SHC1: variants seen among roughly 807,000 people sequenced by gnomAD.
The protein encoded by SHC1 is SHC-transforming protein 1.
A neutral mutation model predicts 55.9 loss-of-function variants in SHC1; 30 were observed. That is an observed-to-expected ratio of 0.54 (90% confidence interval 0.40 to 0.73). The LOEUF (loss-of-function observed/expected upper bound fraction) is 0.73, where lower values mean the gene tolerates loss of function less well. SHC1 is among the 30% of genes least tolerant of loss of function. SHC1 has a pLI of 0.00. For synonymous variants in SHC1, 309 were observed against 306.1 expected, an observed-to-expected ratio of 1.01 and a Z score of -0.10; for missense variants, 675 against 777.1, an observed-to-expected ratio of 0.87 and a Z score of 1.56.
chr1:154,971,882 G>A (rs1244306973), upstream of SHC1, among the ~76,000 whole-genome samples: 1 of 151,988 alleles, frequency 6.6e-6, no homozygotes, highest in Non-Finnish European at 1.5e-5. Context: ...TGCCACCCAC[G>A]GCTTCCTGCC....
rs1339986462 is a variant in SHC1 at position 154,970,299 on chromosome 1, C to A, written c.228G>T (p.Gly76=). ...SNLRLANPAG[G]RPGSKGEPGR... ...CTGGCTCCCCCTTAGACCCTGGGCGCCCCCCAGCCGGGTTGGCCAGCCTCA... is the reference window on the plus strand; with the variant it reads ...CTGGCTCCCCCTTAGACCCTGGGCGACCCCCAGCCGGGTTGGCCAGCCTCA... Residue 76 remains glycine, a synonymous_variant, in exon 1 of 12, where the codon GGG becomes GGT. Coordinates refer to ENST00000448116, the MANE Select transcript of SHC1 (RefSeq NM_001130040.2). This position sits in a 1 kb window ranked among gnomAD's most constrained non-coding sequence, Gnocchi z 5.5. The A allele has an allele frequency of 1.2e-6, 2 of 1,603,440 alleles. No individual in the cohort carries two copies. The highest frequency in any genetic ancestry group is 2.2e-5 in the East Asian group (1 of 44,754).
At position 154,963,709 on chromosome 1, in the gene SHC1, A is replaced by T; in HGVS notation, c.*94T>A. 7.1e-7 allele frequency: 1 copy of T among 1,400,528 alleles called. No homozygotes were observed. The highest frequency in any genetic ancestry group is 9.9e-7 in the Non-Finnish European group (1 of 1,010,590). The allele number at this position is 1,400,528 out of a possible 1,614,324, so 86.8% of individuals were successfully genotyped here. On this transcript the variant is annotated 3_prime_UTR_variant, in exon 12 of 12. Transcript: ENST00000448116. ...TACTCCCAGCTCTGACACAAGGCCA[A>T]GCCCACAGAACACTCCCAAACGAGG... is the stretch of plus-strand genomic sequence containing the variant.
Position 154,970,430 on chromosome 1 carries a change from C to G in SHC1, c.97G>C (p.Glu33Gln). The change falls in exon 1 of 12, where the codon GAG becomes CAG. Residue 33 changes from glutamate (E) to glutamine (Q), a missense_variant. Transcript: ENST00000448116. This position sits in a 1 kb window ranked among gnomAD's most constrained non-coding sequence, Gnocchi z 5.5. Reference sequence around the variant, plus strand: ...GATGAAGCTGATGGGGAAGGCAGCTCCTCCGGGGGGGTGGACCCAGAAGCC... The same window carrying G: ...GATGAAGCTGATGGGGAAGGCAGCTGCTCCGGGGGGGTGGACCCAGAAGCC... ...EGASGSTPPE[E>Q]LPSPSASSLG... 2 of 1,609,520 alleles carry G rather than the reference C, an allele frequency of 1.2e-6. No individual in the cohort carries two copies. The highest frequency in any genetic ancestry group is 1.3e-5 in the African/African-American group (1 of 74,920).
At chr1:154,966,252 TGA>T in intron 8 of SHC1, 21 bp from the exon 9 acceptor site, 1 of 1,613,326 alleles carries the variant, frequency 6.2e-7, no homozygotes, top group Non-Finnish European at 8.5e-7. Context: ...AAAAATAAGG[TGA>T]GACCAGAAGC....
chr1:154,965,554 G>A lies in SHC1; in HGVS notation c.1615C>T (p.Pro539Ser). 6.2e-7 allele frequency: 1 copy of A among 1,614,068 alleles called. No homozygotes were observed. Among genetic ancestry groups the A allele is most frequent in the Non-Finnish European group, 8.5e-7 (1 of 1,180,012 alleles). Residue 539 changes from proline (P) to serine (S), a missense_variant, in exon 11 of 12, where the codon CCT becomes TCT. By Grantham distance (74) the Pro-to-Ser change is moderately conservative (BLOSUM62 -1). Around this residue, in one of 3 missense-constraint regions of SHC1, gnomAD observed 360 missense variants for 371.1 expected, o/e 0.97. Coordinates refer to ENST00000448116, the MANE Select transcript of SHC1 (RefSeq NM_001130040.2). The stretch of plus-strand genomic sequence containing the variant: ...TCTGCCACACTCACCACACCCTCAG[G>A]GTCCACCAGTAGCAAATGCTTAGGC... ...GQPKHLLLVD[P>S]EGVVRTKDHR...
At chr1:154,968,333 G>A in intron 4 of SHC1, 76 bp from the exon 5 acceptor site, 5 of 1,549,010 alleles carry the variant, frequency 3.2e-6, no homozygotes, top group Non-Finnish European at 4.5e-6. Context: ...GAACCCTGGT[G>A]CCCCAGTCTC....
At chr1:154,971,907 G>C (rs566735362), upstream of SHC1, among the ~76,000 whole-genome samples, 33 of 150,564 alleles carry the variant, frequency 2.2e-4, no homozygotes, top group African/African-American at 8.1e-4. Context: ...CTCTTCCGGA[G>C]AATGCCACAG....
intron 11 of SHC1, 63 bp downstream of exon 11, chr1:154,965,480 T>A (rs766885354): frequency 4.4e-6 from 7 of 1,588,104 alleles, no homozygotes; most frequent in South Asian, 1.1e-5. Context: ...GGAAGAGGGA[T>A]ACACTGTAGG....
upstream of SHC1, among the ~76,000 whole-genome samples, chr1:154,973,854 G>T (rs950954199): frequency 6.6e-6 from 1 of 152,190 alleles, no homozygotes; most frequent in Non-Finnish European, 1.5e-5. Context: ...TGGCTTCGGA[G>T]GGGCGGAGCT....
At position 154,963,849 on chromosome 1, in the gene SHC1, G is replaced by A. The variant is rs150234456; in HGVS notation, c.1709C>T (p.Ala570Val). 1.2e-4 allele frequency: 195 copies of A among 1,614,070 alleles called. No individual in the cohort carries two copies. In the African/African-American group the frequency reaches 2.1e-3, roughly 18 times the overall value. The change falls in exon 12 of 12, where the codon GCG becomes GTG. Residue 570 changes from alanine to valine, a missense_variant. Physicochemically the swap from Ala to Val is moderately conservative, Grantham distance 64 (BLOSUM62 0). Coordinates refer to ENST00000448116, the MANE Select transcript of SHC1 (RefSeq NM_001130040.2). ...HMDNHLPIIS[A>V]GSELCLQQPV... is the part of the protein sequence containing the mutation. ...TTGCTGTAGACACAGTTCGCTGCCC[G>A]CAGAGATGATGGGCAAGTGATTGTC...
In SHC1 at chr1:154,966,386, G is replaced by T; in HGVS notation, c.1115C>A (p.Ala372Asp). Residue 372 changes from alanine (A) to aspartate (D), a missense_variant, in exon 8 of 12, where the codon GCC becomes GAC. By Grantham distance (126) the Ala-to-Asp change is moderately radical. Around this residue, in one of 3 missense-constraint regions of SHC1, gnomAD observed 360 missense variants for 371.1 expected, o/e 0.97. Transcript: ENST00000448116. ...GVVDMRLREG[A>D]APGAARPTAP... is the part of the protein sequence containing the mutation. ...AGTGGGTCGAGCAGCCCCTGGAGCG[G>T]CTCCTTCCCGAAGCCTCATGTCTAC... 1 of 1,614,086 alleles carries T rather than the reference G, an allele frequency of 6.2e-7. No individual in the cohort carries two copies. The highest frequency in any genetic ancestry group is 2.2e-5 in the East Asian group (1 of 44,876).
rs1656507131 is a variant in SHC1 at position 154,969,831 on chromosome 1, G to GA, written c.495+200dup. 3.3e-5 allele frequency among the ~76,000 whole-genome samples: 5 copies of GA among 149,786 alleles called. No homozygotes were observed. In the South Asian group the frequency reaches 8.4e-4, roughly 25 times the overall value. On this transcript the variant is annotated intron_variant, in intron 1 of 11. Coordinates refer to ENST00000448116, the MANE Select transcript of SHC1 (RefSeq NM_001130040.2). ...CATGCCAGGGTGGGGGTGGGGGAGT[G>GA]AAAAGAAGGAAGGGGGCCCAGGCAA... is the stretch of plus-strand genomic sequence containing the variant.
In SHC1 at chr1:154,966,252, T is replaced by C; in HGVS notation, c.1183-21A>G. 1.9e-6 allele frequency: 3 copies of C among 1,613,326 alleles called. No homozygotes were observed. In the South Asian group the frequency reaches 3.3e-5, roughly 18 times the overall value. On this transcript the variant is annotated intron_variant, in intron 8 of 11. Transcript: ENST00000448116. ...ACAGGCTGCAGGGATAAAAATAAGGTGAGACCAGAAGCCCTAACCAACCAC... is the reference window on the plus strand; with the variant it reads ...ACAGGCTGCAGGGATAAAAATAAGGCGAGACCAGAAGCCCTAACCAACCAC...
Position 154,965,944 on chromosome 1 carries a change from A to T in SHC1, c.1387+2T>A. 6.2e-7 allele frequency: 1 copy of T among 1,608,618 alleles called. No homozygotes were observed. Among genetic ancestry groups the T allele is most frequent in the Non-Finnish European group, 8.5e-7 (1 of 1,176,044 alleles). On this transcript the variant is annotated splice_donor_variant, in intron 10 of 11. Transcript: ENST00000448116. LOFTEE classifies it high-confidence loss of function. ...GCAGAGAGGAGAGAGACGAGCACTC[A>T]CTCATGTCAAACAGGTCCCGGGGTG...
At chr1:154,972,050 C>G (rs1045235028), upstream of SHC1, among the ~76,000 whole-genome samples, 8 of 152,130 alleles carry the variant, frequency 5.3e-5, no homozygotes, top group Admixed American at 2.0e-4. Context: ...GAGTTCGAGA[C>G]CAGCCTGGTC....
In SHC1 at chr1:154,968,377, C is replaced by T. The variant is rs1334136315; in HGVS notation, c.750+118G>A. 21 of 1,549,276 alleles carry T rather than the reference C, an allele frequency of 1.4e-5. No individual in the cohort carries two copies. The Admixed American group carries it at 3.4e-4, about 25-fold the overall frequency. On this transcript the variant is annotated intron_variant, in intron 4 of 11. Transcript: ENST00000448116. ...GGTTCCTTATCCCATATCCTCATTT[C>T]CTCCTTCCCTACTGGTCTCCTGCTC...
chr1:154,974,257 A>C, upstream of SHC1: 1 of 219,990 alleles, frequency 4.5e-6, no homozygotes, highest in South Asian at 5.4e-5. Flanking sequence ...CCAGGGCCTC[A>C]TGGAGTCTCC....
Position 154,963,869 on chromosome 1 carries a change from A to G in SHC1, c.1689T>C (p.Asn563=), listed in dbSNP as rs1655584050. ...VSHLISYHMD[N]HLPIISAGSE... is the part of the protein sequence containing the mutation. Reference sequence around the variant, plus strand: ...TGCCCGCAGAGATGATGGGCAAGTGATTGTCCATGTGGTAGCTGATAAGGT... The same window carrying G: ...TGCCCGCAGAGATGATGGGCAAGTGGTTGTCCATGTGGTAGCTGATAAGGT... The change falls in exon 12 of 12, where the codon AAT becomes AAC. Residue 563 remains asparagine (N), a synonymous_variant. Transcript: ENST00000448116. 2 of 1,613,686 alleles carry G rather than the reference A, an allele frequency of 1.2e-6. No individual in the cohort carries two copies. Among genetic ancestry groups the G allele is most frequent in the Admixed American group, 1.7e-5 (1 of 59,996 alleles).
chr1:154,973,879 T>C (rs2102212010), upstream of SHC1, among the ~76,000 whole-genome samples: 1 of 152,188 alleles, frequency 6.6e-6, no homozygotes. Flanking sequence ...CAAATTCGAA[T>C]CGTTCTTTGA....
Sources: gnomAD v4.1 joint callset for allele counts (sites outside exome capture counted in the v4.1 genomes callset) on GRCh38, gnomAD v4.1.1 for gene constraint, gnomAD v4.1.1 regional missense constraint, Gnocchi (gnomAD v3.1) non-coding constraint, MANE v1.5 for transcripts, NCBI Gene and HGNC (gene_info 2026-07-23, HGNC 2026-07-21) for gene names.